Variants in ANKS1B observed in about 807,000 individuals in gnomAD.
The protein encoded by ANKS1B is ankyrin repeat and sterile alpha motif domain containing 1B, also known as ankyrin repeat and sterile alpha motif domain-containing protein 1B.
In ANKS1B, 36 loss-of-function variants were observed where a neutral mutation model predicts 148.3. The ratio of observed to expected loss-of-function variants is 0.24; its 90% confidence interval spans 0.19 to 0.32. ANKS1B has a LOEUF of 0.32. Among genes scored for constraint, ANKS1B ranks in the 10% least tolerant of loss-of-function variants. The pLI is 1.00. For synonymous variants in ANKS1B, 542 were observed against 560.8 expected (o/e 0.97, Z 0.47); for missense variants, 1,157 against 1,542.6 (o/e 0.75, Z 4.19).
chr12:98,866,583 T>A (rs1280153043), intron 17 of ANKS1B, among the ~76,000 whole-genome samples: 1 of 152,204 alleles, frequency 6.6e-6, no homozygotes, highest in Non-Finnish European at 1.5e-5. Context: ...TATCCAGAGG[T>A]CTGTACATAA....
intron 14 of ANKS1B, among the ~76,000 whole-genome samples, chr12:99,173,831 G>C (rs1180631048): frequency 2.0e-5 from 3 of 152,008 alleles, no homozygotes. Context: ...ATTACTCGTA[G>C]TTCCTGTGCT....
At position 99,119,652 on chromosome 12, in the gene ANKS1B, G is replaced by T. The variant is rs527663457; in HGVS notation, c.2527-34629C>A. 5.9e-5 allele frequency among the ~76,000 whole-genome samples: 9 copies of T among 152,268 alleles called. No individual in the cohort carries two copies. In the East Asian group the frequency reaches 1.7e-3, roughly 29 times the overall value. On this transcript the variant is annotated intron_variant, in intron 15 of 26. Coordinates refer to ENST00000683438, the MANE Select transcript of ANKS1B (RefSeq NM_001352186.2). ...AGCATCACCTGCTGACATTTTTGCA[G>T]AATCCCTTCCATTGTCAGCCCTACC...
At chr12:99,325,323 G>A (rs548482662) in intron 12 of ANKS1B, among the ~76,000 whole-genome samples, 1 of 152,184 alleles carries the variant, frequency 6.6e-6, no homozygotes, top group South Asian at 2.1e-4. Context: ...ACTGAAGCTT[G>A]GGTGTGAGAA....
chr12:99,127,824 A>C (rs766272112), intron 15 of ANKS1B, among the ~76,000 whole-genome samples: 1 of 152,238 alleles, frequency 6.6e-6, no homozygotes, highest in Non-Finnish European at 1.5e-5. Context: ...TTTTGATTGC[A>C]TCTGCCATTT....
chr12:99,767,423 A>C (rs1442498957), intron 8 of ANKS1B, among the ~76,000 whole-genome samples: 1 of 152,010 alleles, frequency 6.6e-6, no homozygotes, highest in African/African-American at 2.4e-5. Flanking sequence ...AAACAAAAAA[A>C]CTTTTCCTGG....
chr12:99,941,052 A>G (rs1417385236), intron 1 of ANKS1B, among the ~76,000 whole-genome samples: 1 of 152,120 alleles, frequency 6.6e-6, no homozygotes, highest in Non-Finnish European at 1.5e-5. Flanking sequence ...TACTTTTTCA[A>G]TGGTCTCCTT....
At chr12:99,893,610 TG>T (rs1424015847) in intron 1 of ANKS1B, among the ~76,000 whole-genome samples, 2 of 152,178 alleles carry the variant, frequency 1.3e-5, no homozygotes, top group African/African-American at 4.8e-5. Context: ...ACAATATAAA[TG>T]GTCAAATCTA....
chr12:99,222,294 G>A (rs2085250003), intron 14 of ANKS1B, among the ~76,000 whole-genome samples: 1 of 152,148 alleles, frequency 6.6e-6, no homozygotes, highest in Non-Finnish European at 1.5e-5. Flanking sequence ...ACTAAACATT[G>A]TATAAACTTT....
In ANKS1B at chr12:99,617,248, T is replaced by C. The variant is rs564564140; in HGVS notation, c.1272+37819A>G. 3.3e-5 allele frequency among the ~76,000 whole-genome samples: 5 copies of C among 152,278 alleles called. No individual in the cohort carries two copies. The South Asian group carries it at 6.2e-4, about 19-fold the overall frequency. On this transcript the variant is annotated intron_variant, in intron 9 of 26. Coordinates refer to ENST00000683438, the MANE Select transcript of ANKS1B (RefSeq NM_001352186.2). ...AGACAGTGCAGCAATTCCTCAATGA[T>C]ATAAAACCAGAAATACCATTTGAGC... is the stretch of plus-strand genomic sequence containing the variant.
At chr12:99,427,788 G>A (rs1402083132) in intron 11 of ANKS1B, among the ~76,000 whole-genome samples, 2 of 152,180 alleles carry the variant, frequency 1.3e-5, no homozygotes, top group Non-Finnish European at 2.9e-5. Flanking sequence ...GATGGGGTGA[G>A]AAAGGGTTAT....
chr12:99,174,267 A>G (rs2078119647), intron 14 of ANKS1B, among the ~76,000 whole-genome samples: 1 of 152,192 alleles, frequency 6.6e-6, no homozygotes, highest in Non-Finnish European at 1.5e-5. Context: ...GTATCTCAGG[A>G]TGAGCCTTCA....
intron 9 of ANKS1B, among the ~76,000 whole-genome samples, chr12:99,575,006 C>A (rs1597372376): frequency 6.6e-6 from 1 of 152,044 alleles, no homozygotes; most frequent in African/African-American, 2.4e-5. Flanking sequence ...ATTATTATCA[C>A]CTACATACGA....
intron 9 of ANKS1B, among the ~76,000 whole-genome samples, chr12:99,611,000 A>G (rs1273297194): frequency 2.6e-5 from 4 of 152,094 alleles, no homozygotes; most frequent in Admixed American, 1.3e-4. Flanking sequence ...AGGTTCTATA[A>G]TCACATAAGT....
intron 12 of ANKS1B, among the ~76,000 whole-genome samples, chr12:99,279,670 A>G (rs1437186194): frequency 6.6e-6 from 1 of 152,208 alleles, no homozygotes; most frequent in Non-Finnish European, 1.5e-5. Flanking sequence ...CAAAATGAAC[A>G]AATATAGGAA....
intron 17 of ANKS1B, among the ~76,000 whole-genome samples, chr12:99,029,811 C>A (rs2099950898): frequency 6.6e-6 from 1 of 152,232 alleles, no homozygotes; most frequent in South Asian, 2.1e-4. Context: ...TAGACCTGGG[C>A]TTGAGCCCTG....
chr12:99,489,113 G>A (rs777789878), intron 10 of ANKS1B, among the ~76,000 whole-genome samples: 5 of 151,894 alleles, frequency 3.3e-5, no homozygotes, highest in Admixed American at 2.0e-4. Context: ...ATGGTGGCAC[G>A]CACCTATAAT....
chr12:99,174,092 A>G (rs1483805072), intron 14 of ANKS1B, among the ~76,000 whole-genome samples: 1 of 152,194 alleles, frequency 6.6e-6, no homozygotes, highest in East Asian at 1.9e-4. Context: ...TTGCTGGTTT[A>G]CTAGGAGATC....
At chr12:98,882,181 AAAAC>A (rs1472758221) in intron 17 of ANKS1B, among the ~76,000 whole-genome samples, 4 of 152,202 alleles carry the variant, frequency 2.6e-5, no homozygotes, top group Non-Finnish European at 4.4e-5. Context: ...AAAAAAACAA[AAAAC>A]AAACAAAACG....
chr12:99,940,232 G>A (rs1375057052), intron 1 of ANKS1B, among the ~76,000 whole-genome samples: 1 of 152,136 alleles, frequency 6.6e-6, no homozygotes. Context: ...GTATCTCTGA[G>A]TGCCCTGTTT....
Sources: gnomAD v4.1 joint callset for allele counts (sites outside exome capture counted in the v4.1 genomes callset) on GRCh38, gnomAD v4.1.1 for gene constraint, MANE v1.5 for transcripts, NCBI Gene and HGNC (gene_info 2026-07-23, HGNC 2026-07-21) for gene names.